WDTC1: variants seen among roughly 807,000 people sequenced by gnomAD.
WDTC1 encodes WD and tetratricopeptide repeats protein 1.
Under a neutral mutation model 76.0 loss-of-function variants are expected in WDTC1, and 12 were observed. The ratio of observed to expected loss-of-function variants is 0.16; its 90% CI spans 0.10 to 0.26. The LOEUF (loss-of-function observed/expected upper bound fraction) is 0.26, where lower values mean the gene tolerates loss of function less well. Among genes scored for constraint, WDTC1 ranks in the 10% least tolerant of loss-of-function variants. The pLI is 1.00. For synonymous variants in WDTC1, 326 were observed against 350.8 expected (o/e 0.93, Z 0.79); for missense variants, 511 against 908.8 (o/e 0.56, Z 5.63).
intron 1 of WDTC1, among the ~76,000 whole-genome samples, chr1:27,235,184 G>C (rs925367866): frequency 2.0e-4 from 30 of 152,256 alleles, no homozygotes; most frequent in African/African-American, 6.0e-4. Context: ...CGGGACGCGG[G>C]GGGAGGCTGT....
At chr1:27,287,177 A>T (rs1444635624) in intron 5 of WDTC1, among the ~76,000 whole-genome samples, 2 of 151,812 alleles carry the variant, frequency 1.3e-5, no homozygotes, top group African/African-American at 4.8e-5. Flanking sequence ...AAAAAAAACA[A>T]AAAAAACCCA....
rs1488490398 is a variant in WDTC1, at chr1:27,305,142, G to C, written c.1785G>C (p.Leu595=). The change falls in exon 15 of 16, where the codon CTG becomes CTC. Residue 595 remains leucine (L), a synonymous_variant. Transcript: ENST00000319394. The surrounding 1 kb of genome is among the most constrained non-coding windows in gnomAD (Gnocchi z 4.6). ...AGCCACACCCCAGCTACTGCTTCCT[G>C]GCCACCAGTGGCATCGATCCTGTTG... The part of the protein sequence containing the change: ...CLQPHPSYCF[L]ATSGIDPVVR... 1.1e-5 allele frequency: 18 copies of C among 1,614,074 alleles called. No individual in the cohort carries two copies. The highest frequency in any genetic ancestry group is 1.3e-5 in the Non-Finnish European group (15 of 1,179,996).
rs532034108 is a variant in WDTC1 at position 27,260,751 on chromosome 1, A to G, written c.-99-205A>G. ...ACATATTTCTTCCGTGTTTGTTCCA[A>G]TGCTTGTTGGGATGTGCTACTGTTC... On this transcript the variant is annotated intron_variant, in intron 1 of 15. Coordinates refer to ENST00000319394, the MANE Select transcript of WDTC1 (RefSeq NM_001276252.2). 3.3e-3 allele frequency among the ~76,000 whole-genome samples: 509 copies of G among 152,238 alleles called. 1 individual carries two copies. Among genetic ancestry groups the G allele is most frequent in the Non-Finnish European group, 5.9e-3 (398 of 68,018 alleles).
At chr1:27,278,645 C>G (rs953513723) in intron 3 of WDTC1, among the ~76,000 whole-genome samples, 1 of 152,212 alleles carries the variant, frequency 6.6e-6, no homozygotes, top group Non-Finnish European at 1.5e-5. Context: ...CATTGGCTTT[C>G]ATTCTGTTTC....
At position 27,289,154 on chromosome 1, in the gene WDTC1, G is replaced by T. The variant is rs1014163360; in HGVS notation, c.479+1293G>T. Among the ~76,000 whole-genome samples the T allele has an allele frequency of 5.3e-5, 8 of 150,012 alleles. No individual in the cohort carries two copies. In the South Asian group the frequency reaches 6.3e-4, roughly 12 times the overall value. On this transcript the variant is annotated intron_variant, in intron 6 of 15. Coordinates refer to ENST00000319394, the MANE Select transcript of WDTC1 (RefSeq NM_001276252.2). ...GGCTCCTCACTTCCCAGTAGGGGCG[G>T]CCGGGCAGAGGCGCCCCTCACCTCC...
intron 8 of WDTC1, 81 bp from the exon 9 acceptor site, chr1:27,294,433 T>G (rs1056455945): frequency 6.2e-6 from 8 of 1,299,732 alleles, no homozygotes; most frequent in African/African-American, 4.4e-5. Context: ...TGGTATAATT[T>G]TTGATATGAC....
intron 6 of WDTC1, among the ~76,000 whole-genome samples, chr1:27,289,038 CCCCCACCTCCCT>C (rs1449158470): frequency 4.7e-5 from 7 of 148,876 alleles, no homozygotes; most frequent in Non-Finnish European, 9.0e-5. Flanking sequence ...GGGGCTGACC[CCCCCACCTCCCT>C]CCCGGACGGG....
chr1:27,266,557 A>C (rs1420246175), intron 3 of WDTC1, among the ~76,000 whole-genome samples: 1 of 152,238 alleles, frequency 6.6e-6, no homozygotes, highest in Non-Finnish European at 1.5e-5. Flanking sequence ...AGTCCATGGC[A>C]CACAACAAAC....
intron 5 of WDTC1, among the ~76,000 whole-genome samples, chr1:27,287,349 C>T (rs2013368902): frequency 6.6e-6 from 1 of 151,962 alleles, no homozygotes; most frequent in African/African-American, 2.4e-5. Flanking sequence ...ACTGCTGAAC[C>T]TCAAGGGTTT....
At chr1:27,283,588 G>A in intron 5 of WDTC1, 139 bp downstream of exon 5, 2 of 669,822 alleles carry the variant, frequency 3.0e-6, no homozygotes, top group South Asian at 2.0e-5. Flanking sequence ...CTAAGTATCT[G>A]TTGGTGATTC....
intron 1 of WDTC1, among the ~76,000 whole-genome samples, chr1:27,246,862 AT>A (rs557734769): frequency 0.018 from 1,601 of 89,202 alleles, 8 homozygotes; most frequent in East Asian, 0.026. Context: ...ACGCCCAGCC[AT>A]TTTTTTTTTT....
chr1:27,272,056 G>T, intron 3 of WDTC1, among the ~76,000 whole-genome samples: 1 of 150,624 alleles, frequency 6.6e-6, no homozygotes. Flanking sequence ...GACCAGCCTG[G>T]CCAACATGGT....
rs1437731321 is a variant in WDTC1, at chr1:27,274,019, A to C, written c.133-8220A>C. 6.6e-6 allele frequency among the ~76,000 whole-genome samples: 1 copy of C among 152,204 alleles called. No homozygotes were observed. The highest frequency in any genetic ancestry group is 2.4e-5 in the African/African-American group (1 of 41,454). ...ATTAGGAAAATACAAAGGGCTGAGC[A>C]TAGTGGCTCACACCTGTAATCCTAT... is the stretch of plus-strand genomic sequence containing the variant. On this transcript the variant is annotated intron_variant, in intron 3 of 15. Transcript: ENST00000319394. This position sits in a 1 kb window ranked among gnomAD's most constrained non-coding sequence, Gnocchi z 4.2.
In WDTC1 at chr1:27,287,704, A is replaced by G. The variant is rs2013381748; in HGVS notation, c.322A>G (p.Ile108Val). 1 of 1,613,762 alleles carries G rather than the reference A, an allele frequency of 6.2e-7. No individual in the cohort carries two copies. Among genetic ancestry groups the G allele is most frequent in the African/African-American group, 1.3e-5 (1 of 74,876 alleles). The change falls in exon 6 of 16, where the codon ATC (isoleucine) becomes GTC (valine). Residue 108 changes from isoleucine (I) to valine (V), a missense_variant. Transcript: ENST00000319394. ...FLPHAGDRIL[I>V]TGAADSKVHV... is the part of the protein sequence containing the mutation. ...GCCTCACGCTGGGGACCGCATCTTG[A>G]TCACGGGGGCAGCCGACTCTAAGGT...
intron 3 of WDTC1, among the ~76,000 whole-genome samples, chr1:27,280,621 T>C (rs1295132638): frequency 6.6e-6 from 1 of 152,246 alleles, no homozygotes; most frequent in Non-Finnish European, 1.5e-5. Context: ...AGAGAAGCAC[T>C]TGGCTGTCTG....
In WDTC1 at chr1:27,283,333, T is replaced by C; in HGVS notation, c.180-5T>C. On this transcript the variant is annotated splice_polypyrimidine_tract_variant and splice_region_variant and intron_variant, in intron 4 of 15. Coordinates refer to ENST00000319394, the MANE Select transcript of WDTC1 (RefSeq NM_001276252.2). ...AGAGATCACAATCCCTCACTCTGCT[T>C]TCAGCTTGCTGGCCTCTGGTTCCGA... 1 of 1,613,568 alleles carries C rather than the reference T, an allele frequency of 6.2e-7. No homozygotes were observed. The highest frequency in any genetic ancestry group is 8.5e-7 in the Non-Finnish European group (1 of 1,179,928).
At chr1:27,243,714 A>G (rs2011709237) in intron 1 of WDTC1, among the ~76,000 whole-genome samples, 1 of 152,154 alleles carries the variant, frequency 6.6e-6, no homozygotes, top group East Asian at 1.9e-4. Context: ...AAACTGTTAG[A>G]ATGTTCAATA....
intron 3 of WDTC1, among the ~76,000 whole-genome samples, chr1:27,273,820 C>T (rs563931990): frequency 1.4e-5 from 2 of 148,124 alleles, no homozygotes; most frequent in Admixed American, 6.8e-5. Context: ...GTACTTTACA[C>T]GTGTGTGTGT....
Position 27,286,798 on chromosome 1 carries a change from A to G in WDTC1, c.292-876A>G, listed in dbSNP as rs1006757925. 3.3e-5 allele frequency among the ~76,000 whole-genome samples: 5 copies of G among 152,086 alleles called. No individual in the cohort carries two copies. The East Asian group carries it at 9.7e-4, about 29-fold the overall frequency. ...TTGGAAGTGGAAGTTTTGAGTCAAA[A>G]ACTAGAAATTGTTTTTAATCTTTGT... On this transcript the variant is annotated intron_variant, in intron 5 of 15. Coordinates refer to ENST00000319394, the MANE Select transcript of WDTC1 (RefSeq NM_001276252.2).
Sources: allele counts gnomAD v4.1 joint callset (sites outside exome capture counted in the v4.1 genomes callset), GRCh38; gene constraint gnomAD v4.1.1; non-coding constraint Gnocchi (gnomAD v3.1); transcripts MANE v1.5; gene names NCBI Gene and HGNC (gene_info 2026-07-23, HGNC 2026-07-21).